The following SMARCB1 variants were observed in gnomAD, a reference collection of about 807,000 sequenced individuals.
SMARCB1 encodes SWI/SNF related BAF chromatin remodeling complex subunit B1, also known as SWI/SNF-related matrix-associated actin-dependent regulator of chromatin subfamily B member 1.
In SMARCB1, 5 loss-of-function variants were observed where a neutral mutation model predicts 49.0. That is an observed-to-expected ratio of 0.10 (90% CI 0.05 to 0.21). The LOEUF (loss-of-function observed/expected upper bound fraction) is 0.21, where lower values mean the gene tolerates loss of function less well. Ranked by LOEUF, SMARCB1 falls within the 10% of genes least tolerant of loss-of-function variation. SMARCB1 has a pLI of 1.00. For synonymous variants in SMARCB1, 201 were observed against 200.1 expected (o/e 1.00, Z -0.04); for missense variants, 226 against 509.2 (o/e 0.44, Z 5.35).
At chr22:23,809,962 A>T (rs1172443139) in intron 5 of SMARCB1, among the ~76,000 whole-genome samples, 1 of 150,714 alleles carries the variant, frequency 6.6e-6, no homozygotes, top group Non-Finnish European at 1.5e-5. Context: ...CGAGGTCAGG[A>T]ATTGGAGGCC....
At chr22:23,792,173 A>G in intron 2 of SMARCB1, 1 of 441,484 alleles carries the variant, frequency 2.3e-6, no homozygotes, top group Non-Finnish European at 4.2e-6. Context: ...TGGTCTCAAA[A>G]CGTTTTAGGA....
At chr22:23,790,297 G>A (rs556068823) in intron 1 of SMARCB1, among the ~76,000 whole-genome samples, 13 of 152,266 alleles carry the variant, frequency 8.5e-5, no homozygotes, top group African/African-American at 3.1e-4. Flanking sequence ...AACATAGAGG[G>A]GTCTGTGCCC....
chr22:23,836,655 C>A lies in SMARCB1; in HGVS notation c.*2475C>A. On this transcript the variant is annotated 3_prime_UTR_variant, in exon 9 of 9. Transcript: ENST00000644036. ...ACCACCTGCAGTTGGGCTGAGAGGCCACACTGAGTGAGGACGGGGCAGGCA... is the reference window on the plus strand; with the variant it reads ...ACCACCTGCAGTTGGGCTGAGAGGCAACACTGAGTGAGGACGGGGCAGGCA... 7.9e-7 allele frequency: 1 copy of A among 1,260,512 alleles called. No homozygotes were observed. Among genetic ancestry groups the A allele is most frequent in the Non-Finnish European group, 9.9e-7 (1 of 1,007,818 alleles). 78.1% of individuals were successfully genotyped at this position (1,260,512 alleles called of 1,614,324 possible).
intron 4 of SMARCB1, chr22:23,802,751 G>T: frequency 4.3e-6 from 1 of 231,402 alleles, no homozygotes; most frequent in Non-Finnish European, 8.6e-6. Flanking sequence ...GTACTCCATT[G>T]CTTGGAATCC....
Position 23,792,874 on chromosome 22 carries a change from G to C in SMARCB1, c.233-685G>C, listed in dbSNP as rs148901860. On this transcript the variant is annotated intron_variant, in intron 2 of 8. Transcript: ENST00000644036. ...CCCCCTCCGCAAGTCCCTGGGCTAA[G>C]TCTTGGGAGATACCTTCCCCATAAG... The C allele has an allele frequency of 5.2e-3, 851 of 163,550 alleles. 19 individuals carry two copies. In the South Asian group the frequency reaches 0.079, roughly 15 times the overall value. The allele number at this position is 163,550 out of a possible 1,614,324, so 10.1% of individuals were successfully genotyped here.
chr22:23,802,859 T>G (rs1467051336), intron 4 of SMARCB1: 1 of 333,120 alleles, frequency 3.0e-6, no homozygotes, highest in Non-Finnish European at 5.9e-6. Flanking sequence ...CCCTGACCAC[T>G]GCTCCTCACG....
Position 23,835,990 on chromosome 22 carries a change from G to T in SMARCB1, c.*1810G>T, listed in dbSNP as rs1356311478. On this transcript the variant is annotated 3_prime_UTR_variant, in exon 9 of 9. Transcript: ENST00000644036. ...AAATGACAACCTGTCTTTGGAGGAG[G>T]CCCCGTGCCACTGAGCATCCAGAAA... is the stretch of plus-strand genomic sequence containing the variant. 1 of 985,396 alleles carries T rather than the reference G, an allele frequency of 1.0e-6. No homozygotes were observed. Among genetic ancestry groups the T allele is most frequent in the African/African-American group, 1.7e-5 (1 of 57,256 alleles). The allele number at this position is 985,396 out of a possible 1,614,324, so 61.0% of individuals were successfully genotyped here. A position where few individuals can be genotyped will look rare whatever the true frequency, so the allele number is the denominator to read the frequency against.
At chr22:23,814,130 A>G (rs1274506237) in intron 5 of SMARCB1, among the ~76,000 whole-genome samples, 8 of 152,004 alleles carry the variant, frequency 5.3e-5, no homozygotes, top group Non-Finnish European at 1.5e-5. Context: ...ACACCCGGCC[A>G]GCAATTTTGA....
chr22:23,825,797 C>T (rs536975279), intron 7 of SMARCB1: 13 of 232,412 alleles, frequency 5.6e-5, no homozygotes, highest in African/African-American at 2.7e-4. Context: ...CAGGGTTCTT[C>T]ATCTGTTGAA....
chr22:23,793,194 G>A, intron 2 of SMARCB1: 1 of 362,560 alleles, frequency 2.8e-6, no homozygotes, highest in Non-Finnish European at 5.4e-6. Context: ...TGTTACTCTG[G>A]GAGCTTTCTT....
At chr22:23,800,148 T>C (rs1568941172) in intron 3 of SMARCB1, among the ~76,000 whole-genome samples, 1 of 152,208 alleles carries the variant, frequency 6.6e-6, no homozygotes, top group African/African-American at 2.4e-5. Flanking sequence ...ACTCTTGACC[T>C]CAGGTGGTCT....
chr22:23,812,718 G>GA (rs944481088), intron 5 of SMARCB1, among the ~76,000 whole-genome samples: 28 of 152,100 alleles, frequency 1.8e-4, no homozygotes, highest in South Asian at 1.5e-3. Flanking sequence ...CACTAATGAA[G>GA]AAAAATCACA....
rs8137279 is a variant in SMARCB1, at chr22:23,808,019, G to A, written c.628+4597G>A. On this transcript the variant is annotated intron_variant, in intron 5 of 8. Coordinates refer to ENST00000644036, the MANE Select transcript of SMARCB1 (RefSeq NM_003073.5). Reference sequence around the variant, plus strand: ...CGCTCAGGCTGGAGTACAGTGGTGCGATCTCAGTTCACTGCAAGCTCCGCC... The same window carrying A: ...CGCTCAGGCTGGAGTACAGTGGTGCAATCTCAGTTCACTGCAAGCTCCGCC... Among the ~76,000 whole-genome samples, 1,273 of 147,870 alleles carry A rather than the reference G, an allele frequency of 8.6e-3. 12 individuals are homozygous for A. The highest frequency in any genetic ancestry group is 0.029 in the African/African-American group (1,173 of 39,872).
chr22:23,810,823 A>G (rs918331043), intron 5 of SMARCB1, among the ~76,000 whole-genome samples: 1 of 152,098 alleles, frequency 6.6e-6, no homozygotes. Context: ...TGAGGTCAGG[A>G]GTTCAAGACC....
At chr22:23,806,779 G>A (rs540969438) in intron 5 of SMARCB1, among the ~76,000 whole-genome samples, 3 of 152,104 alleles carry the variant, frequency 2.0e-5, no homozygotes, top group Non-Finnish European at 2.9e-5. Flanking sequence ...AAAATTAGTC[G>A]GATGTGGTGG....
intron 6 of SMARCB1, chr22:23,824,882 C>CCGAT (rs1474866500): frequency 2.4e-6 from 1 of 412,904 alleles, no homozygotes; most frequent in Admixed American, 3.6e-5. Flanking sequence ...TCACGTAAGA[C>CCGAT]CGATGGCAGC....
Position 23,796,123 on chromosome 22 carries a change from A to G in SMARCB1, c.362+2435A>G, listed in dbSNP as rs138239955. On this transcript the variant is annotated intron_variant, in intron 3 of 8. Coordinates refer to ENST00000644036, the MANE Select transcript of SMARCB1 (RefSeq NM_003073.5). ...TGCCCTTTCTGTAAAGCATCCTGAC[A>G]TCAAACTTTTTTGTTCTCTGGCCCA... Among the ~76,000 whole-genome samples the G allele has an allele frequency of 5.0e-3, 756 of 152,192 alleles. 20 individuals carry two copies. In the South Asian group the frequency reaches 0.085, roughly 17 times the overall value.
At position 23,791,882 on chromosome 22, in the gene SMARCB1, CCTAACA is replaced by C; in HGVS notation, c.225_230del (p.Asn75_Thr76del). On this transcript the variant is annotated inframe_deletion, in exon 2 of 9. Coordinates refer to ENST00000644036, the MANE Select transcript of SMARCB1 (RefSeq NM_003073.5). ...ATCGTCACATGGTAAAAAAACAAAA[CCTAACA>C]CTAAGGGTGCGTCTTCACGAGGGTT... is the stretch of plus-strand genomic sequence containing the variant. The C allele has an allele frequency of 6.2e-7, 1 of 1,614,150 alleles. No individual in the cohort carries two copies. The highest frequency in any genetic ancestry group is 8.5e-7 in the Non-Finnish European group (1 of 1,179,970).
At chr22:23,803,224 A>T in intron 4 of SMARCB1, 71 bp from the exon 5 acceptor site, 3 of 1,603,440 alleles carry the variant, frequency 1.9e-6, no homozygotes, top group Non-Finnish European at 2.6e-6. Flanking sequence ...CTGTGCAGAG[A>T]GAGAGGCTGA....
Sources: allele counts gnomAD v4.1 joint callset (sites outside exome capture counted in the v4.1 genomes callset), GRCh38; gene constraint gnomAD v4.1.1; transcripts MANE v1.5; gene names NCBI Gene and HGNC (gene_info 2026-07-23, HGNC 2026-07-21).